Variants in GRIN3A observed in about 807,000 individuals in gnomAD.
GRIN3A encodes the protein glutamate ionotropic receptor NMDA type subunit 3A, also known as glutamate receptor ionotropic, NMDA 3A.
Under a neutral mutation model 92.4 loss-of-function variants are expected in GRIN3A, and 47 were observed. The observed-to-expected ratio is 0.51, with a 90% CI of 0.40 to 0.65. The LOEUF (loss-of-function observed/expected upper bound fraction) is 0.65. GRIN3A is among the 30% of genes least tolerant of loss of function. GRIN3A has a pLI of 0.00. For missense variants in GRIN3A, 1,324 were observed against 1,393.1 expected (o/e 0.95, Z 0.79); for synonymous variants, 527 against 540.6 (o/e 0.97, Z 0.35).
chr9:101,579,873 G>T (rs1179618424), intron 6 of GRIN3A, among the ~76,000 whole-genome samples: 1 of 152,144 alleles, frequency 6.6e-6, no homozygotes, highest in African/African-American at 2.4e-5. Flanking sequence ...GTTTCAGTGT[G>T]ACAGCTCACC....
At chr9:101,577,928 A>T in intron 7 of GRIN3A, 84 bp from the exon 8 acceptor site, 1 of 968,668 alleles carries the variant, frequency 1.0e-6, no homozygotes, top group Non-Finnish European at 1.7e-6. Context: ...ATGTAACAGT[A>T]TATGTAGTCG....
intron 3 of GRIN3A, among the ~76,000 whole-genome samples, chr9:101,648,791 T>C (rs928120640): frequency 3.9e-5 from 6 of 152,086 alleles, no homozygotes; most frequent in Non-Finnish European, 8.8e-5. Flanking sequence ...TCCTTGAATC[T>C]TTACTTCGAT....
At chr9:101,615,015 G>T (rs1457985114) in intron 5 of GRIN3A, among the ~76,000 whole-genome samples, 1 of 151,962 alleles carries the variant, frequency 6.6e-6, no homozygotes, top group East Asian at 1.9e-4. Context: ...GAATGAGGGA[G>T]GAACATAAAA....
intron 2 of GRIN3A, among the ~76,000 whole-genome samples, chr9:101,673,828 A>C (rs1160938629): frequency 6.6e-6 from 1 of 152,094 alleles, no homozygotes; most frequent in East Asian, 1.9e-4. Context: ...GGTCTCAAGG[A>C]GCTCAAGAAG....
intron 6 of GRIN3A, among the ~76,000 whole-genome samples, chr9:101,590,282 G>A (rs1021869242): frequency 6.6e-6 from 1 of 152,104 alleles, no homozygotes; most frequent in East Asian, 1.9e-4. Context: ...TAGTTGACAC[G>A]GCAGCAGAGA....
intron 1 of GRIN3A, among the ~76,000 whole-genome samples, chr9:101,698,492 C>T (rs2118996381): frequency 6.6e-6 from 1 of 152,142 alleles, no homozygotes; most frequent in South Asian, 2.1e-4. Context: ...TCATAGCGTG[C>T]ACTTACACAA....
At chr9:101,722,812 C>T (rs375647031) in intron 1 of GRIN3A, among the ~76,000 whole-genome samples, 40 of 152,138 alleles carry the variant, frequency 2.6e-4, no homozygotes, top group African/African-American at 9.2e-4. Context: ...AACTAGCTTG[C>T]TTTTGATTTT....
At chr9:101,640,278 A>G (rs1232161892) in intron 3 of GRIN3A, among the ~76,000 whole-genome samples, 1 of 152,200 alleles carries the variant, frequency 6.6e-6, no homozygotes, top group African/African-American at 2.4e-5. Context: ...TGCTGCATGA[A>G]TCACAAGAGC....
At chr9:101,629,672 CA>C (rs1828687015) in intron 3 of GRIN3A, among the ~76,000 whole-genome samples, 1 of 152,188 alleles carries the variant, frequency 6.6e-6, no homozygotes, top group South Asian at 2.1e-4. Context: ...ACAATAATAA[CA>C]ATACTTAACA....
At chr9:101,684,020 CT>C (rs1335638164) in intron 2 of GRIN3A, among the ~76,000 whole-genome samples, 1 of 152,066 alleles carries the variant, frequency 6.6e-6, no homozygotes, top group African/African-American at 2.4e-5. Flanking sequence ...CAGAAAGTTA[CT>C]TTTCTTTCTT....
intron 1 of GRIN3A, among the ~76,000 whole-genome samples, chr9:101,709,972 G>A (rs181756638): frequency 2.0e-5 from 3 of 152,264 alleles, no homozygotes; most frequent in Non-Finnish European, 2.9e-5. Flanking sequence ...TGCCTTGAAC[G>A]TAAACCTATT....
intron 2 of GRIN3A, among the ~76,000 whole-genome samples, chr9:101,681,398 A>G (rs1259939071): frequency 1.3e-5 from 2 of 152,238 alleles, no homozygotes; most frequent in African/African-American, 4.8e-5. Context: ...TCCGCTCTGC[A>G]TATAAAATGC....
At chr9:101,668,097 T>C (rs1429622790) in intron 3 of GRIN3A, among the ~76,000 whole-genome samples, 1 of 152,128 alleles carries the variant, frequency 6.6e-6, no homozygotes, top group Non-Finnish European at 1.5e-5. Flanking sequence ...GTTAGACTTA[T>C]TAAAAAATTT....
At chr9:101,622,324 C>T (rs1434580260) in intron 5 of GRIN3A, among the ~76,000 whole-genome samples, 1 of 152,202 alleles carries the variant, frequency 6.6e-6, no homozygotes, top group East Asian at 1.9e-4. Context: ...GGCACCCCCA[C>T]GGGATTGTTT....
intron 3 of GRIN3A, among the ~76,000 whole-genome samples, chr9:101,640,577 A>G (rs1365248448): frequency 6.6e-6 from 1 of 152,188 alleles, no homozygotes; most frequent in African/African-American, 2.4e-5. Context: ...TGTAATCCTT[A>G]TAGCAAAGAG....
Position 101,618,190 on chromosome 9 carries a change from GATCTAATTAAACTAAA to G in GRIN3A, c.2615-4679_2615-4664del, listed in dbSNP as rs748310263. Among the ~76,000 whole-genome samples, 80 of 149,796 alleles carry G rather than the reference GATCTAATTAAACTAAA, an allele frequency of 5.3e-4. 1 individual carries two copies. The highest frequency in any genetic ancestry group is 5.3e-4 in the Admixed American group (8 of 15,164). ...AACAAAAGACAAAATTGACAAATGGGATCTAATTAAACTAAAGAGCTTCTGTACAGCAAAAGAAACT... is the reference window on the plus strand; with the variant it reads ...AACAAAAGACAAAATTGACAAATGGGGAGCTTCTGTACAGCAAAAGAAACT... On this transcript the variant is annotated intron_variant, in intron 5 of 8. Transcript: ENST00000361820.
At chr9:101,586,696 T>C (rs927827987) in intron 6 of GRIN3A, among the ~76,000 whole-genome samples, 2 of 152,216 alleles carry the variant, frequency 1.3e-5, no homozygotes, top group Non-Finnish European at 2.9e-5. Flanking sequence ...TTTCTTAGGA[T>C]CCTTTCTTTG....
Position 101,616,816 on chromosome 9 carries a change from C to T in GRIN3A, c.2615-3289G>A, listed in dbSNP as rs1420179296. On this transcript the variant is annotated intron_variant, in intron 5 of 8. Coordinates refer to ENST00000361820, the MANE Select transcript of GRIN3A (RefSeq NM_133445.3). ...AGATGACGAGTTAGTGGGTGCAGTG[C>T]ACCAGCACGGCACATGTATACATAT... Among the ~76,000 whole-genome samples, 4 of 146,354 alleles carry T rather than the reference C, an allele frequency of 2.7e-5. No individual in the cohort carries two copies. The East Asian group carries it at 8.2e-4, about 30-fold the overall frequency.
chr9:101,644,291 A>G (rs1474537099), intron 3 of GRIN3A, among the ~76,000 whole-genome samples: 1 of 151,944 alleles, frequency 6.6e-6, no homozygotes, highest in East Asian at 1.9e-4. Context: ...TCTTAGAATT[A>G]TAGAATGTTA....
Sources: gnomAD v4.1 joint callset for allele counts (sites outside exome capture counted in the v4.1 genomes callset) on GRCh38, gnomAD v4.1.1 for gene constraint, MANE v1.5 for transcripts, NCBI Gene and HGNC (gene_info 2026-07-23, HGNC 2026-07-21) for gene names.